SPAG16: variants seen among roughly 807,000 people sequenced by gnomAD.
SPAG16 encodes the protein sperm associated antigen 16, also known as sperm-associated antigen 16 protein.
Under a neutral mutation model 80.4 loss-of-function variants are expected in SPAG16, and 86 were observed. The ratio of observed to expected loss-of-function variants is 1.07; its 90% confidence interval spans 0.90 to 1.28. The LOEUF (loss-of-function observed/expected upper bound fraction) is 1.28. Among genes scored for constraint, SPAG16 ranks in the 50% most tolerant of loss-of-function variants. The probability of loss-of-function intolerance (pLI) is 0.00; values close to 1 mark genes in which losing one functional copy is unlikely to be tolerated. For synonymous variants in SPAG16, 294 were observed against 265.9 expected (o/e 1.11, Z -1.03); for missense variants, 870 against 765.3 (o/e 1.14, Z -1.61).
intron 10 of SPAG16, among the ~76,000 whole-genome samples, chr2:213,712,774 CTAAAA>C (rs939773238): frequency 1.1e-4 from 17 of 151,998 alleles, no homozygotes; most frequent in Non-Finnish European, 1.8e-4. Flanking sequence ...TTATGGTTTA[CTAAAA>C]TAAAATAAAA....
chr2:213,376,521 A>G (rs945058018), intron 9 of SPAG16, among the ~76,000 whole-genome samples: 5 of 152,062 alleles, frequency 3.3e-5, no homozygotes, highest in Admixed American at 2.0e-4. Flanking sequence ...TCTCACCTTC[A>G]CTGAGTAATC....
At chr2:213,484,568 G>A (rs1055793210) in intron 9 of SPAG16, among the ~76,000 whole-genome samples, 1 of 151,974 alleles carries the variant, frequency 6.6e-6, no homozygotes, top group African/African-American at 2.4e-5. Flanking sequence ...CTCTCCACAT[G>A]GGAAATTAAG....
At chr2:214,185,953 C>A (rs976620894) in intron 15 of SPAG16, among the ~76,000 whole-genome samples, 11 of 152,098 alleles carry the variant, frequency 7.2e-5, no homozygotes, top group South Asian at 6.2e-4. Context: ...CTATCTCCCC[C>A]ACTATAATGT....
Position 213,625,887 on chromosome 2 carries a change from A to T in SPAG16, c.1070+135797A>T, listed in dbSNP as rs989847079. ...GTATTTTCAATAGAGACGGGGTTTC[A>T]TCAGGTGAGCCAGGCTGGTCTCAAA... On this transcript the variant is annotated intron_variant, in intron 10 of 15. Transcript: ENST00000331683. Among the ~76,000 whole-genome samples, 4 of 151,896 alleles carry T rather than the reference A, an allele frequency of 2.6e-5. No homozygotes were observed. In the East Asian group the frequency reaches 7.7e-4, roughly 29 times the overall value.
At chr2:214,164,632 A>G (rs919234862) in intron 15 of SPAG16, among the ~76,000 whole-genome samples, 31 of 152,108 alleles carry the variant, frequency 2.0e-4, no homozygotes, top group African/African-American at 6.0e-4. Context: ...AGTTAGCTCA[A>G]TTTTTTAAAT....
chr2:213,731,195 T>C (rs2067022546), intron 10 of SPAG16, among the ~76,000 whole-genome samples: 1 of 146,222 alleles, frequency 6.8e-6, no homozygotes, highest in African/African-American at 2.5e-5. Flanking sequence ...TTGCTCTTGT[T>C]GCCCAGGCTG....
At chr2:213,298,901 T>G (rs1294383724) in intron 3 of SPAG16, among the ~76,000 whole-genome samples, 1 of 152,218 alleles carries the variant, frequency 6.6e-6, no homozygotes, top group Non-Finnish European at 1.5e-5. Flanking sequence ...ACAGAAGTTG[T>G]CCTTAAGCTG....
intron 15 of SPAG16, among the ~76,000 whole-genome samples, chr2:214,301,598 C>G (rs1217638173): frequency 2.0e-5 from 3 of 152,106 alleles, no homozygotes; most frequent in Middle Eastern, 3.2e-3. Context: ...GTCTCATGAT[C>G]TTTTACATTT....
intron 15 of SPAG16, among the ~76,000 whole-genome samples, chr2:214,404,282 C>G (rs1190795413): frequency 2.0e-5 from 3 of 152,174 alleles, no homozygotes; most frequent in African/African-American, 7.2e-5. Context: ...GATCTGATTT[C>G]AGCCATATTC....
At chr2:213,675,181 T>C (rs1370950680) in intron 10 of SPAG16, among the ~76,000 whole-genome samples, 2 of 152,234 alleles carry the variant, frequency 1.3e-5, no homozygotes, top group African/African-American at 4.8e-5. Flanking sequence ...CATAAATGTC[T>C]TCTTTTGAGA....
At chr2:213,432,633 G>C (rs1291183541) in intron 9 of SPAG16, among the ~76,000 whole-genome samples, 2 of 152,080 alleles carry the variant, frequency 1.3e-5, no homozygotes, top group African/African-American at 4.8e-5. Context: ...CCCAGGAGAA[G>C]ATAGTTTGAA....
At chr2:213,622,515 T>G (rs1328496754) in intron 10 of SPAG16, among the ~76,000 whole-genome samples, 1 of 152,220 alleles carries the variant, frequency 6.6e-6, no homozygotes, top group Non-Finnish European at 1.5e-5. Flanking sequence ...AATTAAAACC[T>G]CCTTCCTTGA....
intron 9 of SPAG16, among the ~76,000 whole-genome samples, chr2:213,394,706 G>A (rs888455541): frequency 6.6e-6 from 1 of 151,758 alleles, no homozygotes; most frequent in Non-Finnish European, 1.5e-5. Context: ...TTAACTTTTG[G>A]GGGTTGACTG....
chr2:213,367,465 T>G (rs2066370648), intron 8 of SPAG16, among the ~76,000 whole-genome samples: 1 of 152,300 alleles, frequency 6.6e-6, no homozygotes, highest in Admixed American at 6.5e-5. Flanking sequence ...TTCCTGACTT[T>G]TTAATGATCG....
At chr2:214,076,678 G>A (rs2051096004) in intron 13 of SPAG16, among the ~76,000 whole-genome samples, 1 of 151,992 alleles carries the variant, frequency 6.6e-6, no homozygotes, top group South Asian at 2.1e-4. Flanking sequence ...CAAGTTACTT[G>A]ACCTCTTGTA....
intron 14 of SPAG16, among the ~76,000 whole-genome samples, chr2:214,145,942 A>G (rs769779193): frequency 3.3e-5 from 5 of 152,152 alleles, no homozygotes; most frequent in Non-Finnish European, 7.4e-5. Flanking sequence ...TACAAAAACA[A>G]TCATAGCTCT....
At chr2:213,863,155 A>G (rs1257289623) in intron 11 of SPAG16, among the ~76,000 whole-genome samples, 1 of 149,382 alleles carries the variant, frequency 6.7e-6, no homozygotes, top group Admixed American at 6.6e-5. Flanking sequence ...TAAAAGACCA[A>G]GGGCACAGAA....
chr2:213,438,358 A>T (rs1443282829), intron 9 of SPAG16, among the ~76,000 whole-genome samples: 1 of 152,238 alleles, frequency 6.6e-6, no homozygotes, highest in Non-Finnish European at 1.5e-5. Flanking sequence ...TGCCTGGTTC[A>T]TGTGTTCAAT....
chr2:213,497,684 C>T (rs2074556408), intron 10 of SPAG16, among the ~76,000 whole-genome samples: 1 of 151,994 alleles, frequency 6.6e-6, no homozygotes, highest in African/African-American at 2.4e-5. Flanking sequence ...TTATATATAG[C>T]AATTATGTGT....
Sources: gnomAD v4.1 joint callset for allele counts (sites outside exome capture counted in the v4.1 genomes callset) on GRCh38, gnomAD v4.1.1 for gene constraint, MANE v1.5 for transcripts, NCBI Gene and HGNC (gene_info 2026-07-23, HGNC 2026-07-21) for gene names.